OR10A2: variants seen among roughly 807,000 people sequenced by gnomAD.
OR10A2 encodes olfactory receptor family 10 subfamily A member 2.
A neutral mutation model predicts 13.7 loss-of-function variants in OR10A2; 15 were observed. The observed-to-expected ratio is 1.10, with a 90% CI of 0.73 to 1.69. OR10A2 has a LOEUF of 1.69. OR10A2 is among the 40% of genes most tolerant of loss of function. OR10A2 has a pLI of 0.00. For missense variants in OR10A2, 343 were observed against 361.1 expected (o/e 0.95, Z 0.41); for synonymous variants, 145 against 144.7 (o/e 1.00, Z -0.02).
intron 1 of OR10A2, among the ~76,000 whole-genome samples, chr11:6,868,921 G>C (rs563387535): frequency 1.3e-5 from 2 of 152,140 alleles, no homozygotes; most frequent in Non-Finnish European, 2.9e-5. Flanking sequence ...GTTGGTTCTC[G>C]TGCTTATCTT....
chr11:6,868,864 A>G (rs1409954361), intron 1 of OR10A2, among the ~76,000 whole-genome samples: 2 of 152,182 alleles, frequency 1.3e-5, no homozygotes, highest in Admixed American at 6.5e-5. Context: ...CAAAATTGGG[A>G]TTCAGTTGTG....
Position 6,870,916 on chromosome 11 carries a change from C to A in OR10A2, c.*250C>A. ...TGTTTCAACTGGTATGACAGCACTT[C>A]TGTGGCCAACTATTTCCAGGTGTTA... On this transcript the variant is annotated 3_prime_UTR_variant, in exon 2 of 2. Transcript: ENST00000641461. 1 of 332,030 alleles carries A rather than the reference C, an allele frequency of 3.0e-6. No individual in the cohort carries two copies. The highest frequency in any genetic ancestry group is 5.8e-4 in the Middle Eastern group (1 of 1,738). 20.6% of individuals were successfully genotyped at this position (332,030 alleles called of 1,614,324 possible).
intron 1 of OR10A2, among the ~76,000 whole-genome samples, chr11:6,868,432 C>G (rs1350099667): frequency 6.6e-6 from 1 of 152,122 alleles, no homozygotes; most frequent in Non-Finnish European, 1.5e-5. Context: ...GATCCCTTCT[C>G]TATCCCATTC....
rs560966118 is a variant in OR10A2 at position 6,863,589 on chromosome 11, C to CT, written c.-133+243dup. ...CACAAAAAGACTGATATTACCCAGG[C>CT]TTTTTCCAATTCTGTCCTCTAAAGT... On this transcript the variant is annotated intron_variant, in intron 1 of 1. Coordinates refer to ENST00000641461, the MANE Select transcript of OR10A2 (RefSeq NM_001004460.2). Among the ~76,000 whole-genome samples the CT allele has an allele frequency of 6.4e-4, 97 of 152,184 alleles. 2 individuals are homozygous for CT. The South Asian group carries it at 0.019, about 29-fold the overall frequency.
chr11:6,867,727 G>C (rs1261883109), intron 1 of OR10A2, among the ~76,000 whole-genome samples: 1 of 151,936 alleles, frequency 6.6e-6, no homozygotes, highest in East Asian at 1.9e-4. Flanking sequence ...GACAGTAAGA[G>C]AGTTTCTATT....
chr11:6,864,610 TGACA>T (rs1848365827), intron 1 of OR10A2, among the ~76,000 whole-genome samples: 1 of 152,098 alleles, frequency 6.6e-6, no homozygotes, highest in South Asian at 2.1e-4. Flanking sequence ...AAGTATCACA[TGACA>T]GACAGAGCTG....
At position 6,874,543 on chromosome 11, in the gene OR10A2, A is replaced by G. The variant is rs2741759; in HGVS notation, c.*3877A>G. 0.47 allele frequency: 71,241 copies of G among 151,976 alleles called. 18,186 individuals carry two copies. The highest frequency in any genetic ancestry group is 0.57 in the Admixed American group (8,655 of 15,274). The allele number at this position is 151,976 out of a possible 1,614,324, so 9.4% of individuals were successfully genotyped here. A position where few individuals can be genotyped will look rare whatever the true frequency, so the allele number is the denominator to read the frequency against. On this transcript the variant is annotated 3_prime_UTR_variant, in exon 2 of 2. Coordinates refer to ENST00000641461, the MANE Select transcript of OR10A2 (RefSeq NM_001004460.2). ...TCAGATTTATTCCCATTCTGAAAAA[A>G]TGAGTGCAAGTGTCACTTGTCGGCC...
At position 6,867,210 on chromosome 11, in the gene OR10A2, A is replaced by ATAT. The variant is rs143148199; in HGVS notation, c.-132-2395_-132-2393dup. ...TTCATGAGTACTTATTCAATATTCT[A>ATAT]TATTATTATTATTATTATTAAGACA... On this transcript the variant is annotated intron_variant, in intron 1 of 1. Coordinates refer to ENST00000641461, the MANE Select transcript of OR10A2 (RefSeq NM_001004460.2). 2.9e-4 allele frequency among the ~76,000 whole-genome samples: 43 copies of ATAT among 150,572 alleles called. 1 individual carries two copies. Among genetic ancestry groups the ATAT allele is most frequent in the African/African-American group, 5.6e-4 (23 of 41,066 alleles).
Position 6,870,054 on chromosome 11 carries a change from C to A in OR10A2, c.300C>A (p.Phe100Leu). 6.2e-7 allele frequency: 1 copy of A among 1,614,212 alleles called. No homozygotes were observed. Among genetic ancestry groups the A allele is most frequent in the Non-Finnish European group, 8.5e-7 (1 of 1,180,020 alleles). ...FFFFFGVAEC[F>L]LLATMAYDRY... Reference sequence around the variant, plus strand: ...TCTTCTTTGGAGTGGCTGAATGCTTCCTCCTGGCTACCATGGCATATGACC... The same window carrying A: ...TCTTCTTTGGAGTGGCTGAATGCTTACTCCTGGCTACCATGGCATATGACC... Residue 100 changes from phenylalanine (F) to leucine (L), a missense_variant, in exon 2 of 2, where the codon TTC (phenylalanine) becomes TTA (leucine). By Grantham distance (22) the Phe-to-Leu change is conservative. Coordinates refer to ENST00000641461, the MANE Select transcript of OR10A2 (RefSeq NM_001004460.2).
At chr11:6,865,191 T>C (rs942160598) in intron 1 of OR10A2, among the ~76,000 whole-genome samples, 1 of 147,802 alleles carries the variant, frequency 6.8e-6, no homozygotes, top group Non-Finnish European at 1.5e-5. Context: ...ATTTATATAT[T>C]TAGAAAATTT....
intron 1 of OR10A2, among the ~76,000 whole-genome samples, chr11:6,863,794 G>T: frequency 6.6e-6 from 1 of 152,176 alleles, no homozygotes. Flanking sequence ...AGGCCTAGAA[G>T]AGTGGGTTCC....
intron 1 of OR10A2, among the ~76,000 whole-genome samples, chr11:6,864,492 T>C (rs936218798): frequency 1.3e-5 from 2 of 152,192 alleles, no homozygotes; most frequent in Admixed American, 1.3e-4. Context: ...GTTTATACTA[T>C]GGAGAAGTTT....
At chr11:6,868,573 T>C (rs554933116) in intron 1 of OR10A2, among the ~76,000 whole-genome samples, 6 of 152,316 alleles carry the variant, frequency 3.9e-5, no homozygotes, top group African/African-American at 1.2e-4. Context: ...ATAAGTCTAT[T>C]AATGTAATAT....
intron 1 of OR10A2, among the ~76,000 whole-genome samples, chr11:6,865,330 CAA>C (rs1327281429): frequency 6.6e-6 from 1 of 151,396 alleles, no homozygotes; most frequent in Non-Finnish European, 1.5e-5. Context: ...AAATGTATCA[CAA>C]GTGTGCAGGC....
rs973047481 is a variant in OR10A2, at chr11:6,873,510, T to C, written c.*2844T>C. Reference sequence around the variant, plus strand: ...CAAAACCTAAAGAAAAAGTTGTACATAGTTTCAGGGAAAGGATTCCAACAG... The same window carrying C: ...CAAAACCTAAAGAAAAAGTTGTACACAGTTTCAGGGAAAGGATTCCAACAG... On this transcript the variant is annotated 3_prime_UTR_variant, in exon 2 of 2. Transcript: ENST00000641461. 1.3e-5 allele frequency: 2 copies of C among 152,200 alleles called. No homozygotes were observed. The highest frequency in any genetic ancestry group is 2.1e-4 in the South Asian group (1 of 4,824). 9.4% of individuals were successfully genotyped at this position (152,200 alleles called of 1,614,324 possible).
At chr11:6,869,212 T>C (rs1590018465) in intron 1 of OR10A2, among the ~76,000 whole-genome samples, 1 of 152,160 alleles carries the variant, frequency 6.6e-6, no homozygotes, top group African/African-American at 2.4e-5. Flanking sequence ...CCTTTCACCC[T>C]CCTCTCAAAT....
At position 6,869,626 on chromosome 11, in the gene OR10A2, G is replaced by T; in HGVS notation, c.-129G>T. On this transcript the variant is annotated 5_prime_UTR_variant, in exon 2 of 2. Transcript: ENST00000641461. ...ACCTTGCCTCTTTCCCTGACAGTAAGAACGAGTCTGAAAAACAAATTGAGA... is the reference window on the plus strand; with the variant it reads ...ACCTTGCCTCTTTCCCTGACAGTAATAACGAGTCTGAAAAACAAATTGAGA... The T allele has an allele frequency of 2.3e-6, 2 of 856,068 alleles. No homozygotes were observed. The highest frequency in any genetic ancestry group is 3.2e-5 in the South Asian group (2 of 62,688). The allele number at this position is 856,068 out of a possible 1,614,324, so 53.0% of individuals were successfully genotyped here.
intron 1 of OR10A2, among the ~76,000 whole-genome samples, chr11:6,864,276 T>G (rs1414320309): frequency 6.6e-6 from 1 of 151,102 alleles, no homozygotes; most frequent in African/African-American, 2.4e-5. Context: ...ACATCTGTCA[T>G]GAGGCTTCTA....
At position 6,871,752 on chromosome 11, in the gene OR10A2, G is replaced by A; in HGVS notation, c.*1086G>A. 6.6e-6 allele frequency: 1 copy of A among 152,222 alleles called. No individual in the cohort carries two copies. Among genetic ancestry groups the A allele is most frequent in the South Asian group, 2.1e-4 (1 of 4,822 alleles). 9.4% of individuals were successfully genotyped at this position (152,222 alleles called of 1,614,324 possible). A position where few individuals can be genotyped will look rare whatever the true frequency, so the allele number is the denominator to read the frequency against. On this transcript the variant is annotated 3_prime_UTR_variant, in exon 2 of 2. Transcript: ENST00000641461. ...CAAGATTTCTCCTTCTTATAATCTG[G>A]TAGTACTCTATTTGTAGATGTGCCC...
Sources: gnomAD v4.1 joint callset for allele counts (sites outside exome capture counted in the v4.1 genomes callset) on GRCh38, gnomAD v4.1.1 for gene constraint, MANE v1.5 for transcripts, NCBI Gene and HGNC (gene_info 2026-07-23, HGNC 2026-07-21) for gene names.